CTNNA2: variants seen among roughly 807,000 people sequenced by gnomAD.
CTNNA2 encodes the protein catenin alpha 2, also known as catenin alpha-2.
CTNNA2 carries 42 observed loss-of-function variants against 101.0 expected under a neutral mutation model. That is an observed-to-expected ratio of 0.42 (90% CI 0.32 to 0.54). CTNNA2 has a LOEUF of 0.54. Ranked by LOEUF, CTNNA2 falls within the 20% of genes least tolerant of loss-of-function variation. The pLI, the probability that CTNNA2 is intolerant of heterozygous loss-of-function variation, is 0.14. For synonymous variants in CTNNA2, 450 were observed against 456.4 expected, an observed-to-expected ratio of 0.99 and a Z score of 0.18; for missense variants, 871 against 1,223.1, an observed-to-expected ratio of 0.71 and a Z score of 4.29.
At chr2:79,345,961 A>G (rs750860313) in intron 3 of CTNNA2, among the ~76,000 whole-genome samples, 13 of 151,376 alleles carry the variant, frequency 8.6e-5, no homozygotes, top group Admixed American at 3.3e-4. Context: ...CGGCCTCCCA[A>G]AGTGCTAGGA....
chr2:80,347,484 C>T (rs564136934), intron 7 of CTNNA2, among the ~76,000 whole-genome samples: 1 of 152,262 alleles, frequency 6.6e-6, no homozygotes, highest in African/African-American at 2.4e-5. Context: ...GGAGCAGTCA[C>T]ATGAACGATC....
At chr2:79,937,065 T>G (rs1482877898) in intron 7 of CTNNA2, among the ~76,000 whole-genome samples, 1 of 152,226 alleles carries the variant, frequency 6.6e-6, no homozygotes, top group African/African-American at 2.4e-5. Flanking sequence ...TCTTCCTCCC[T>G]TCTTATTAAA....
chr2:80,319,081 C>T (rs1466065485), intron 7 of CTNNA2, among the ~76,000 whole-genome samples: 4 of 152,148 alleles, frequency 2.6e-5, no homozygotes, highest in African/African-American at 9.7e-5. Flanking sequence ...GGAGCCTGGC[C>T]TGGTTGCAAC....
intron 7 of CTNNA2, among the ~76,000 whole-genome samples, chr2:79,916,471 T>A (rs971642636): frequency 6.7e-6 from 1 of 150,242 alleles, no homozygotes; most frequent in Non-Finnish European, 1.5e-5. Flanking sequence ...GCATTTACAC[T>A]TCCCATGCAA....
intron 9 of CTNNA2, among the ~76,000 whole-genome samples, chr2:80,511,427 A>G (rs1470986129): frequency 1.3e-5 from 2 of 152,182 alleles, no homozygotes; most frequent in Non-Finnish European, 1.5e-5. Context: ...GGTGAGTTCA[A>G]ACATGCTTGT....
At chr2:79,982,238 A>ATATATATATATG (rs1553420970) in intron 7 of CTNNA2, among the ~76,000 whole-genome samples, 5 of 89,608 alleles carry the variant, frequency 5.6e-5, no homozygotes, top group Non-Finnish European at 8.4e-5. Flanking sequence ...ATATATATAT[A>ATATATATATATG]TATGTATGTA....
At position 79,443,397 on chromosome 2, in the gene CTNNA2, C is replaced by T. The variant is rs573844285; in HGVS notation, c.-134-61657C>T. ...AGAGACAGATAATTTGCCCTTCCTC[C>T]ACTTTTTTTTTCTGGCTCTCAGCAA... On this transcript the variant is annotated intron_variant, in intron 4 of 21. Coordinates refer to the CTNNA2 transcript ENST00000466387. Among the ~76,000 whole-genome samples the T allele has an allele frequency of 1.2e-4, 19 of 152,222 alleles. No individual in the cohort carries two copies. The East Asian group carries it at 3.7e-3, about 29-fold the overall frequency.
chr2:79,305,286 G>GT (rs1491274505), intron 2 of CTNNA2, among the ~76,000 whole-genome samples: 17 of 148,762 alleles, frequency 1.1e-4, no homozygotes, highest in Admixed American at 6.1e-4. Context: ...ATGTAGATAC[G>GT]TGTGTGTGTA....
chr2:80,504,678 G>A (rs983405526), intron 9 of CTNNA2, among the ~76,000 whole-genome samples: 5 of 152,122 alleles, frequency 3.3e-5, no homozygotes, highest in African/African-American at 9.7e-5. Flanking sequence ...TCTCCTTTAC[G>A]CCTTACCAGT....
At chr2:79,607,814 G>T (rs1333319589) in intron 1 of CTNNA2, among the ~76,000 whole-genome samples, 3 of 151,976 alleles carry the variant, frequency 2.0e-5, no homozygotes, top group African/African-American at 7.2e-5. Flanking sequence ...TAAGAAAAAA[G>T]AAATATCTCA....
intron 2 of CTNNA2, among the ~76,000 whole-genome samples, chr2:79,257,742 G>A (rs904679638): frequency 1.3e-5 from 2 of 151,934 alleles, no homozygotes; most frequent in Non-Finnish European, 2.9e-5. Flanking sequence ...GTCACCGGGA[G>A]GCTCTTGTAT....
At chr2:80,482,826 C>T (rs1383624425) in intron 9 of CTNNA2, among the ~76,000 whole-genome samples, 1 of 152,214 alleles carries the variant, frequency 6.6e-6, no homozygotes, top group East Asian at 1.9e-4. Flanking sequence ...TCTTCCTCCA[C>T]AGCAACAATA....
chr2:79,327,045 A>T (rs1324771473), intron 3 of CTNNA2, among the ~76,000 whole-genome samples: 1 of 152,194 alleles, frequency 6.6e-6, no homozygotes, highest in Non-Finnish European at 1.5e-5. Context: ...AGATGATAAA[A>T]TGCCTGTAAT....
intron 2 of CTNNA2, among the ~76,000 whole-genome samples, chr2:79,288,093 G>A (rs35294563): frequency 0.53 from 81,038 of 152,066 alleles, 22,819 homozygotes; most frequent in East Asian, 0.7. Flanking sequence ...GCAATGCCTC[G>A]CCCTGCTTCA....
chr2:80,260,822 C>T (rs72928768), intron 7 of CTNNA2, among the ~76,000 whole-genome samples: 13 of 152,112 alleles, frequency 8.5e-5, no homozygotes, highest in African/African-American at 2.9e-4. Flanking sequence ...GCTGATAATT[C>T]GTAATTGAAT....
chr2:80,587,342 A>G (rs1197692747), intron 14 of CTNNA2, among the ~76,000 whole-genome samples: 1 of 152,150 alleles, frequency 6.6e-6, no homozygotes, highest in African/African-American at 2.4e-5. Flanking sequence ...CCCTTTCCCT[A>G]TAGCAACTAA....
chr2:80,477,322 C>T (rs1685804190), intron 9 of CTNNA2, among the ~76,000 whole-genome samples: 1 of 152,022 alleles, frequency 6.6e-6, no homozygotes, highest in South Asian at 2.1e-4. Context: ...TAGTCTGTTC[C>T]TGGTAAATAG....
chr2:80,397,781 G>A (rs1163108587), intron 8 of CTNNA2, among the ~76,000 whole-genome samples: 9 of 152,172 alleles, frequency 5.9e-5, no homozygotes, highest in Admixed American at 2.0e-4. Context: ...GGGTGTGGAC[G>A]TATGGAAGCT....
chr2:79,948,053 C>G (rs7568025), intron 7 of CTNNA2, among the ~76,000 whole-genome samples: 2,051 of 152,314 alleles, frequency 0.013, 52 homozygotes, highest in African/African-American at 0.047. Flanking sequence ...GTCCCCTCAT[C>G]ACACAGCAGA....
Sources: allele counts gnomAD v4.1 joint callset (sites outside exome capture counted in the v4.1 genomes callset), GRCh38; gene constraint gnomAD v4.1.1; transcripts MANE v1.5; gene names NCBI Gene and HGNC (gene_info 2026-07-23, HGNC 2026-07-21).